The following SF3B1 variants were observed in gnomAD, a reference collection of about 807,000 sequenced individuals.
The protein encoded by SF3B1 is pre-mRNA processing 10.
SF3B1 carries 12 observed loss-of-function variants against 153.8 expected under a neutral mutation model. That is an observed-to-expected ratio of 0.08 (90% confidence interval 0.05 to 0.13). The LOEUF is 0.13. Among genes scored for constraint, SF3B1 ranks in the 10% least tolerant of loss-of-function variants. The pLI is 1.00. For missense variants in SF3B1, 513 were observed against 1,606.1 expected (o/e 0.32, Z 11.63); for synonymous variants, 498 against 525.2 (o/e 0.95, Z 0.71).
chr2:197,393,719 G>C (rs2105975404), intron 23 of SF3B1, among the ~76,000 whole-genome samples: 1 of 152,206 alleles, frequency 6.6e-6, no homozygotes, highest in South Asian at 2.1e-4. Context: ...CCAAAGTACA[G>C]GGATTACAGG....
intron 22 of SF3B1, among the ~76,000 whole-genome samples, chr2:197,396,677 T>C (rs1161800735): frequency 6.6e-6 from 1 of 152,218 alleles, no homozygotes; most frequent in Non-Finnish European, 1.5e-5. Flanking sequence ...ATTCTCTGAG[T>C]TGTCAAAATG....
At chr2:197,431,104 C>CTTTTTTT (rs558644461) in intron 1 of SF3B1, among the ~76,000 whole-genome samples, 2 of 73,656 alleles carry the variant, frequency 2.7e-5, no homozygotes, top group African/African-American at 5.8e-5. Flanking sequence ...GCCTTTTCTT[C>CTTTTTTT]TTTTTTTTTT....
rs187691872 is a variant in SF3B1 at position 197,422,881 on chromosome 2, C to T, written c.195+927G>A. Among the ~76,000 whole-genome samples, 229 of 142,672 alleles carry T rather than the reference C, an allele frequency of 1.6e-3. 1 individual carries two copies. The highest frequency in any genetic ancestry group is 4.8e-3 in the African/African-American group (184 of 38,472). 93.6% of individuals were successfully genotyped at this position (142,672 alleles called of 152,430 possible). A position where few individuals can be genotyped will look rare whatever the true frequency, so the allele number is the denominator to read the frequency against. On this transcript the variant is annotated intron_variant, in intron 2 of 24. Transcript: ENST00000335508. ...TTCCAGCCTGGGCAACAGAGTGAGACGAAAAAAAAAAACCAGTTTGATAAT... is the reference window on the plus strand; with the variant it reads ...TTCCAGCCTGGGCAACAGAGTGAGATGAAAAAAAAAAACCAGTTTGATAAT...
rs571443974 is a variant in SF3B1 at position 197,391,308 on chromosome 2, G to C, written c.*995C>G. The stretch of plus-strand genomic sequence containing the variant: ...GCTGCTGCCACTGTGTATTATCACA[G>C]TACATAAGGAATCTGTCACAAGGTT... On this transcript the variant is annotated 3_prime_UTR_variant, in exon 25 of 25. Transcript: ENST00000335508. 3.9e-5 allele frequency: 6 copies of C among 152,298 alleles called. No homozygotes were observed. Among genetic ancestry groups the C allele is most frequent in the African/African-American group, 1.4e-4 (6 of 41,574 alleles). 9.4% of individuals were successfully genotyped at this position (152,298 alleles called of 1,614,324 possible).
At position 197,423,841 on chromosome 2, in the gene SF3B1, G is replaced by A. The variant is rs148811717; in HGVS notation, c.162C>T (p.Tyr54=). 10,240 of 1,613,734 alleles carry A rather than the reference G, an allele frequency of 6.3e-3. 42 individuals are homozygous for A. The highest frequency in any genetic ancestry group is 7.2e-3 in the Non-Finnish European group (8,510 of 1,179,904). The change falls in exon 2 of 25, where the codon TAC becomes TAT. Residue 54 remains tyrosine (Y), a synonymous_variant. Coordinates refer to ENST00000335508, the MANE Select transcript of SF3B1 (RefSeq NM_012433.4). ...YGGSDSRFAG[Y]VTSIAATELE... ...GTTCAGTTGCAGCAATTGATGTCAC[G>A]TATCCAGCAAATCTGCTGTCACTTC...
At position 197,403,786 on chromosome 2, in the gene SF3B1, T is replaced by C. The variant is rs926933103; in HGVS notation, c.1540-22A>G. 4.6e-6 allele frequency: 7 copies of C among 1,534,822 alleles called. No homozygotes were observed. The African/African-American group carries it at 5.7e-5, about 13-fold the overall frequency. ...CAGCCTGGGAAAAAGAGCAGAGTAA[T>C]AGGTGTGGTTTCTTTATAATCAAAC... On this transcript the variant is annotated intron_variant, in intron 11 of 24. Transcript: ENST00000335508.
chr2:197,420,754 C>G (rs969248998), intron 3 of SF3B1, among the ~76,000 whole-genome samples: 3 of 152,140 alleles, frequency 2.0e-5, no homozygotes, highest in African/African-American at 4.8e-5. Context: ...TTCAATGCTT[C>G]ATTAAATGAT....
Position 197,396,256 on chromosome 2 carries a change from A to G in SF3B1, c.3339T>C (p.Thr1113=). The stretch of plus-strand genomic sequence containing the variant: ...TTTCTGCAACAATAGCTATTGCTAC[A>G]GTGGTACAAACTCTGTTCTGCCTTT... ...VQERQNRVCT[T]VAIAIVAETC... Residue 1113 remains threonine, a synonymous_variant, in exon 23 of 25, where the codon ACT becomes ACC. Coordinates refer to ENST00000335508, the MANE Select transcript of SF3B1 (RefSeq NM_012433.4). 1 of 1,613,840 alleles carries G rather than the reference A, an allele frequency of 6.2e-7. No homozygotes were observed. Among genetic ancestry groups the G allele is most frequent in the Non-Finnish European group, 8.5e-7 (1 of 1,179,748 alleles).
intron 1 of SF3B1, among the ~76,000 whole-genome samples, chr2:197,425,080 C>T (rs1312469231): frequency 2.0e-5 from 3 of 152,108 alleles, no homozygotes; most frequent in East Asian, 1.9e-4. Flanking sequence ...TGCTTGAACC[C>T]GGGAGGCCAA....
At position 197,392,100 on chromosome 2, in the gene SF3B1, T is replaced by C; in HGVS notation, c.*203A>G. ...CCTCCAGTATAGTGTATATAATCAC[T>C]GTGTTCTTGGTCACTACTGGCATTT... is the stretch of plus-strand genomic sequence containing the variant. On this transcript the variant is annotated 3_prime_UTR_variant, in exon 25 of 25. Transcript: ENST00000335508. The C allele has an allele frequency of 2.6e-6, 1 of 378,974 alleles. No homozygotes were observed. The highest frequency in any genetic ancestry group is 4.7e-6 in the Non-Finnish European group (1 of 212,018). The allele number at this position is 378,974 out of a possible 1,614,324, so 23.5% of individuals were successfully genotyped here.
At chr2:197,418,432 G>C (rs1162526635) in intron 5 of SF3B1, 77 bp downstream of exon 5, 2 of 1,105,580 alleles carry the variant, frequency 1.8e-6, no homozygotes, top group African/African-American at 1.6e-5. Context: ...TAGCAAAAAA[G>C]AAACCTAACA....
At chr2:197,410,318 CTCTA>C (rs1288626490) in intron 6 of SF3B1, among the ~76,000 whole-genome samples, 4 of 152,212 alleles carry the variant, frequency 2.6e-5, no homozygotes, top group East Asian at 1.9e-4. Flanking sequence ...ACTGAGGTTT[CTCTA>C]TCTAGATCAG....
At chr2:197,403,981 A>G (rs2084961639) in intron 11 of SF3B1, among the ~76,000 whole-genome samples, 1 of 152,260 alleles carries the variant, frequency 6.6e-6, no homozygotes, top group South Asian at 2.1e-4. Context: ...GTAATTTAAT[A>G]GAACGAACCA....
intron 1 of SF3B1, among the ~76,000 whole-genome samples, chr2:197,429,297 C>G (rs1020730203): frequency 2.0e-5 from 3 of 152,170 alleles, no homozygotes; most frequent in African/African-American, 7.2e-5. Context: ...CCATTTAAAC[C>G]CTTAAATATT....
chr2:197,390,016 G>A lies in SF3B1; in HGVS notation c.*2287C>T, dbSNP rs1338495946. ...CACCAAAAGAAAATACAAAAGAAAA[G>A]GTCTTTGAGAAGATAGGTAAAACTT... On this transcript the variant is annotated 3_prime_UTR_variant, in exon 25 of 25. Coordinates refer to ENST00000335508, the MANE Select transcript of SF3B1 (RefSeq NM_012433.4). The A allele has an allele frequency of 2.0e-5, 3 of 152,168 alleles. No homozygotes were observed. The highest frequency in any genetic ancestry group is 7.2e-5 in the African/African-American group (3 of 41,438). 9.4% of individuals were successfully genotyped at this position (152,168 alleles called of 1,614,324 possible).
intron 9 of SF3B1, 39 bp downstream of exon 9, chr2:197,407,959 A>G (rs762796248): frequency 1.3e-6 from 2 of 1,572,736 alleles, no homozygotes; most frequent in South Asian, 2.3e-5. Context: ...AAATAAATGT[A>G]TATCCTAAAT....
intron 20 of SF3B1, 68 bp downstream of exon 20, chr2:197,399,987 T>C (rs1273644754): frequency 8.9e-7 from 1 of 1,120,898 alleles, no homozygotes; most frequent in Non-Finnish European, 1.3e-6. Context: ...AAGATTTTAC[T>C]TACGAAAAAA....
chr2:197,402,505 C>T lies in SF3B1; in HGVS notation c.2077+51G>A, dbSNP rs2105986285. Reference sequence around the variant, plus strand: ...GTCCAGTCTGGGCAACATAGTAAGACCCTGTCTCCTAAAGAAAAAAAAAAA... The same window carrying T: ...GTCCAGTCTGGGCAACATAGTAAGATCCTGTCTCCTAAAGAAAAAAAAAAA... On this transcript the variant is annotated intron_variant, in intron 14 of 24. Transcript: ENST00000335508. The surrounding 1 kb of genome is among the most constrained non-coding windows in gnomAD (Gnocchi z 4.6). 6.5e-7 allele frequency: 1 copy of T among 1,532,634 alleles called. No homozygotes were observed. Among genetic ancestry groups the T allele is most frequent in the South Asian group, 1.2e-5 (1 of 85,754 alleles). The allele number at this position is 1,532,634 out of a possible 1,614,324, so 94.9% of individuals were successfully genotyped here.
At chr2:197,412,737 C>A (rs943811062) in intron 6 of SF3B1, among the ~76,000 whole-genome samples, 1 of 151,352 alleles carries the variant, frequency 6.6e-6, no homozygotes, top group Non-Finnish European at 1.5e-5. Flanking sequence ...GTAATCCCAG[C>A]ACCTTGGGAG....
Sources: allele counts gnomAD v4.1 joint callset (sites outside exome capture counted in the v4.1 genomes callset), GRCh38; gene constraint gnomAD v4.1.1; non-coding constraint Gnocchi (gnomAD v3.1); transcripts MANE v1.5; gene names NCBI Gene and HGNC (gene_info 2026-07-23, HGNC 2026-07-21).